Variants in COL5A2 observed in about 807,000 individuals in gnomAD.
COL5A2 encodes collagen type V alpha 2 chain, also known as collagen alpha-2(V) chain.
A neutral mutation model predicts 208.2 loss-of-function variants in COL5A2; 23 were observed. That is an observed-to-expected ratio of 0.11 (90% CI 0.08 to 0.16). The LOEUF is 0.16. COL5A2 is among the 10% of genes least tolerant of loss of function. The pLI is 1.00. For synonymous variants in COL5A2, 625 were observed against 628.5 expected, an observed-to-expected ratio of 0.99 and a Z score of 0.08; for missense variants, 1,590 against 1,956.4, an observed-to-expected ratio of 0.81 and a Z score of 3.53.
chr2:189,070,735 A>C (rs1485651601), intron 18 of COL5A2, among the ~76,000 whole-genome samples: 5 of 152,184 alleles, frequency 3.3e-5, no homozygotes, highest in African/African-American at 9.7e-5. Context: ...AGGGTCTCAC[A>C]AAAAGAGGGA....
At chr2:189,068,939 T>C (rs1686212468) in intron 18 of COL5A2, 55 bp from the exon 19 acceptor site, 1 of 1,223,664 alleles carries the variant, frequency 8.2e-7, no homozygotes, top group Non-Finnish European at 1.2e-6. Context: ...AGTGGCATTG[T>C]ACAAAGTTGA....
the COL5A2 span, among the ~76,000 whole-genome samples, chr2:189,319,352 C>T: frequency 4.6e-5 from 7 of 152,194 alleles, no homozygotes; most frequent in Non-Finnish European, 7.3e-5. Context: ...AAGCGTGAGC[C>T]GAAGCAGGGC....
At chr2:189,106,994 TA>T (rs904031807) in intron 2 of COL5A2, among the ~76,000 whole-genome samples, 5 of 151,322 alleles carry the variant, frequency 3.3e-5, no homozygotes, top group Admixed American at 6.6e-5. Context: ...TTTAGAATTG[TA>T]AAAAAAATTT....
chr2:189,316,483 G>T, the COL5A2 span, among the ~76,000 whole-genome samples: 1 of 151,908 alleles, frequency 6.6e-6, no homozygotes, highest in Non-Finnish European at 1.5e-5. Flanking sequence ...TAACAAATCT[G>T]CATGTCCTGA....
the COL5A2 span, among the ~76,000 whole-genome samples, chr2:189,274,479 C>T: frequency 6.6e-6 from 1 of 152,146 alleles, no homozygotes; most frequent in African/African-American, 2.4e-5. Flanking sequence ...CTTCCTCTGG[C>T]ATCCTCCTCA....
chr2:189,118,158 G>T (rs1034854441), intron 1 of COL5A2, among the ~76,000 whole-genome samples: 13 of 151,672 alleles, frequency 8.6e-5, no homozygotes, highest in African/African-American at 2.9e-4. Flanking sequence ...ATTTAAATGT[G>T]GGCCAAACCT....
the COL5A2 span, chr2:189,311,496 G>A: frequency 1.6e-5 from 17 of 1,077,156 alleles, no homozygotes; most frequent in African/African-American, 3.1e-5. Context: ...CCCTCTGCCC[G>A]AGTCTGTGCC....
In COL5A2 at chr2:189,068,402, C is replaced by A. The variant is rs1287606750; in HGVS notation, c.1258-132G>T. ...TTTTAAAAATCAACCACCATTATAT[C>A]ATAAAAATTACTTTTTTGACTACTT... On this transcript the variant is annotated intron_variant, in intron 19 of 53. Transcript: ENST00000374866. 3.8e-6 allele frequency: 3 copies of A among 788,922 alleles called. No homozygotes were observed. The East Asian group carries it at 7.9e-5, about 21-fold the overall frequency. 48.9% of individuals were successfully genotyped at this position (788,922 alleles called of 1,614,324 possible).
chr2:189,230,192 G>T (rs1329231834), upstream of COL5A2, among the ~76,000 whole-genome samples: 1 of 151,760 alleles, frequency 6.6e-6, no homozygotes, highest in South Asian at 2.1e-4. Context: ...ATGAAAAATT[G>T]ATTAAACACA....
chr2:189,394,451 G>T, the COL5A2 span, among the ~76,000 whole-genome samples: 2 of 152,124 alleles, frequency 1.3e-5, no homozygotes, highest in Non-Finnish European at 2.9e-5. Flanking sequence ...CTTATAAAGG[G>T]ATTAGCGCCC....
At chr2:189,290,334 G>C in the COL5A2 span, among the ~76,000 whole-genome samples, 1 of 152,154 alleles carries the variant, frequency 6.6e-6, no homozygotes, top group Non-Finnish European at 1.5e-5. Flanking sequence ...ACATATGACT[G>C]TACAACATTT....
chr2:189,090,989 A>G (rs1317524460), intron 7 of COL5A2, among the ~76,000 whole-genome samples: 2 of 152,232 alleles, frequency 1.3e-5, no homozygotes, highest in African/African-American at 4.8e-5. Context: ...TCAACTTTTA[A>G]ATCTTATTAC....
intron 1 of COL5A2, among the ~76,000 whole-genome samples, chr2:189,206,716 G>T (rs1465877770): frequency 6.6e-6 from 1 of 152,100 alleles, no homozygotes; most frequent in African/African-American, 2.4e-5. Flanking sequence ...GAAGTTGCTT[G>T]AGATCAATAA....
chr2:189,117,229 C>G (rs1262584292), intron 1 of COL5A2, among the ~76,000 whole-genome samples: 3 of 152,136 alleles, frequency 2.0e-5, no homozygotes, highest in Non-Finnish European at 4.4e-5. Context: ...TCTGGAAGAG[C>G]AGATTTCAGT....
At chr2:189,251,615 G>T in the COL5A2 span, among the ~76,000 whole-genome samples, 1 of 150,150 alleles carries the variant, frequency 6.7e-6, no homozygotes, top group African/African-American at 2.5e-5. Context: ...ATTTTTTTCA[G>T]CTTAATTTCT....
intron 1 of COL5A2, among the ~76,000 whole-genome samples, chr2:189,210,950 G>C (rs1008743974): frequency 6.6e-6 from 1 of 152,070 alleles, no homozygotes; most frequent in Non-Finnish European, 1.5e-5. Flanking sequence ...ATTTCCCCAG[G>C]ATTTTTTTTT....
the COL5A2 span, among the ~76,000 whole-genome samples, chr2:189,247,201 G>A: frequency 5.9e-5 from 9 of 152,166 alleles, no homozygotes; most frequent in African/African-American, 2.2e-4. Context: ...TGTAGATGGT[G>A]CAAGAAGTGT....
intron 41 of COL5A2, among the ~76,000 whole-genome samples, chr2:189,051,886 G>A (rs918621180): frequency 1.1e-4 from 16 of 152,170 alleles, no homozygotes; most frequent in African/African-American, 3.6e-4. Context: ...CTTAACTGAA[G>A]AGAATGATTA....
In COL5A2 at chr2:189,032,444, A is replaced by T. The variant is rs543091023; in HGVS notation, c.*1626T>A. 2 of 152,138 alleles carry T rather than the reference A, an allele frequency of 1.3e-5. No individual in the cohort carries two copies. Among genetic ancestry groups the T allele is most frequent in the Non-Finnish European group, 2.9e-5 (2 of 68,006 alleles). The allele number at this position is 152,138 out of a possible 1,614,324, so 9.4% of individuals were successfully genotyped here. A position where few individuals can be genotyped will look rare whatever the true frequency, so the allele number is the denominator to read the frequency against. ...AATGGCAAACAAAGTATACCACCAC[A>T]TCTCCTTTTCACTATTGGAAATGAA... On this transcript the variant is annotated 3_prime_UTR_variant, in exon 54 of 54. Coordinates refer to ENST00000374866, the MANE Select transcript of COL5A2 (RefSeq NM_000393.5).
Sources: gnomAD v4.1 joint callset for allele counts (sites outside exome capture counted in the v4.1 genomes callset) on GRCh38, gnomAD v4.1.1 for gene constraint, MANE v1.5 for transcripts, NCBI Gene and HGNC (gene_info 2026-07-23, HGNC 2026-07-21) for gene names.